Variants in DLG2 observed in about 807,000 individuals in gnomAD.
DLG2 encodes the protein discs large MAGUK scaffold protein 2.
Under a neutral mutation model 132.5 loss-of-function variants are expected in DLG2, and 45 were observed. That is an observed-to-expected ratio of 0.34 (90% confidence interval 0.27 to 0.44). DLG2 has a LOEUF of 0.44. Ranked by LOEUF, DLG2 falls within the 20% of genes least tolerant of loss-of-function variation. The pLI is 1.00. For synonymous variants in DLG2, 424 were observed against 419.6 expected, an observed-to-expected ratio of 1.01 and a Z score of -0.13; for missense variants, 1,045 against 1,196.9, an observed-to-expected ratio of 0.87 and a Z score of 1.87.
At chr11:85,006,594 G>T (rs2058681041) in intron 6 of DLG2, among the ~76,000 whole-genome samples, 1 of 151,982 alleles carries the variant, frequency 6.6e-6, no homozygotes, top group Non-Finnish European at 1.5e-5. Context: ...ATTTTTTATT[G>T]TGTCATTTAT....
intron 8 of DLG2, among the ~76,000 whole-genome samples, chr11:84,213,597 A>C (rs1433260292): frequency 6.6e-6 from 1 of 152,104 alleles, no homozygotes; most frequent in Admixed American, 6.5e-5. Flanking sequence ...AGGCGGGTGG[A>C]TCACGAGGTC....
At position 84,599,451 on chromosome 11, in the gene DLG2, C is replaced by T. The variant is rs187671054; in HGVS notation, c.358-64720G>A. On this transcript the variant is annotated intron_variant, in intron 6 of 27. Coordinates refer to ENST00000376104, the MANE Select transcript of DLG2 (RefSeq NM_001142699.3). ...CATTCTCTTCTTTCTTGCTTTAGTG[C>T]CTTGTTTTTGTGAAGAGCTGAGCAG... 3.3e-5 allele frequency among the ~76,000 whole-genome samples: 5 copies of T among 152,180 alleles called. 1 individual carries two copies. The highest frequency in any genetic ancestry group is 6.8e-3 in the Middle Eastern group (2 of 294).
intron 6 of DLG2, among the ~76,000 whole-genome samples, chr11:84,558,077 T>C (rs1403022923): frequency 6.6e-6 from 1 of 152,082 alleles, no homozygotes; most frequent in Admixed American, 6.6e-5. Flanking sequence ...ATGTAAGGGG[T>C]GAGAAAGATA....
At chr11:85,476,247 A>G (rs2093137691) in intron 3 of DLG2, among the ~76,000 whole-genome samples, 1 of 152,062 alleles carries the variant, frequency 6.6e-6, no homozygotes, top group Non-Finnish European at 1.5e-5. Context: ...AAATATATGA[A>G]AGATTTTTAA....
chr11:83,961,809 T>C (rs2154156109), intron 14 of DLG2, among the ~76,000 whole-genome samples: 1 of 152,188 alleles, frequency 6.6e-6, no homozygotes, highest in South Asian at 2.1e-4. Context: ...GCAGCCCTCA[T>C]TTTAATTAAG....
At chr11:84,398,734 G>C (rs2098819382) in intron 7 of DLG2, among the ~76,000 whole-genome samples, 1 of 151,734 alleles carries the variant, frequency 6.6e-6, no homozygotes, top group South Asian at 2.1e-4. Flanking sequence ...GTGAAAAAAA[G>C]AGTTGGTGAT....
intron 11 of DLG2, among the ~76,000 whole-genome samples, chr11:84,039,079 G>A (rs1002289034): frequency 9.9e-5 from 15 of 151,822 alleles, no homozygotes; most frequent in South Asian, 2.1e-4. Flanking sequence ...TACGCATACC[G>A]CCCACAATGT....
chr11:85,316,651 G>C (rs1199732180), intron 3 of DLG2, among the ~76,000 whole-genome samples: 1 of 151,872 alleles, frequency 6.6e-6, no homozygotes, highest in African/African-American at 2.4e-5. Flanking sequence ...ATACAACTGG[G>C]TATTTGAAGA....
chr11:83,622,905 TA>T (rs1401002244), intron 19 of DLG2, among the ~76,000 whole-genome samples: 1 of 152,196 alleles, frequency 6.6e-6, no homozygotes, highest in African/African-American at 2.4e-5. Context: ...GAGTATTCTG[TA>T]GATGTCCAAT....
At chr11:85,061,795 C>A (rs1018231772) in intron 6 of DLG2, among the ~76,000 whole-genome samples, 1 of 151,742 alleles carries the variant, frequency 6.6e-6, no homozygotes, top group Non-Finnish European at 1.5e-5. Context: ...ATCAAAATAA[C>A]CAAAATATAC....
chr11:83,859,886 A>G (rs1203405669), intron 16 of DLG2, among the ~76,000 whole-genome samples: 2 of 152,134 alleles, frequency 1.3e-5, no homozygotes, highest in Non-Finnish European at 2.9e-5. Context: ...CTTGCCCTGC[A>G]TCCCAGCCAC....
At chr11:84,013,613 A>T (rs1165118116) in intron 11 of DLG2, among the ~76,000 whole-genome samples, 3 of 152,038 alleles carry the variant, frequency 2.0e-5, no homozygotes, top group Non-Finnish European at 4.4e-5. Flanking sequence ...TCACACCTGT[A>T]ATCTCAGCAC....
intron 7 of DLG2, among the ~76,000 whole-genome samples, chr11:84,253,811 T>A (rs1028013377): frequency 7.9e-5 from 12 of 152,110 alleles, no homozygotes; most frequent in African/African-American, 2.9e-4. Flanking sequence ...TGAATATTGT[T>A]TTTTCTGACC....
chr11:83,979,921 G>A (rs2092632498), intron 12 of DLG2, among the ~76,000 whole-genome samples: 2 of 152,172 alleles, frequency 1.3e-5, no homozygotes, highest in Admixed American at 6.5e-5. Context: ...TCTATGCCAT[G>A]TGTATCTAAG....
At chr11:85,279,531 G>A (rs1369942171) in intron 4 of DLG2, among the ~76,000 whole-genome samples, 1 of 151,860 alleles carries the variant, frequency 6.6e-6, no homozygotes, top group Non-Finnish European at 1.5e-5. Flanking sequence ...CTCCTTTAAG[G>A]TTCCCTTTCC....
intron 5 of DLG2, among the ~76,000 whole-genome samples, chr11:85,112,480 G>A (rs1243321837): frequency 6.6e-6 from 1 of 151,938 alleles, no homozygotes; most frequent in African/African-American, 2.4e-5. Flanking sequence ...TCCAAAAGGG[G>A]GGGAAAGATT....
intron 6 of DLG2, among the ~76,000 whole-genome samples, chr11:84,631,056 A>ACG (rs1378863871): frequency 1.3e-3 from 191 of 142,094 alleles, no homozygotes; most frequent in African/African-American, 5.1e-3. Context: ...ACACACACAC[A>ACG]CAGAAACCAC....
intron 6 of DLG2, among the ~76,000 whole-genome samples, chr11:84,662,650 G>A (rs1420139319): frequency 1.3e-5 from 2 of 151,906 alleles, no homozygotes; most frequent in Admixed American, 6.6e-5. Flanking sequence ...AGTCAGGCAT[G>A]GTGGCATGCA....
intron 6 of DLG2, among the ~76,000 whole-genome samples, chr11:84,877,850 G>A (rs2086629906): frequency 6.6e-6 from 1 of 151,848 alleles, no homozygotes; most frequent in African/African-American, 2.4e-5. Context: ...AATCTACAAG[G>A]AACTTAAACA....
Sources: allele counts gnomAD v4.1 joint callset (sites outside exome capture counted in the v4.1 genomes callset), GRCh38; gene constraint gnomAD v4.1.1; transcripts MANE v1.5; gene names NCBI Gene and HGNC (gene_info 2026-07-23, HGNC 2026-07-21).